Variants in TMEM71 observed in about 807,000 individuals in gnomAD.
The protein encoded by TMEM71 is transmembrane protein 71.
Under a neutral mutation model 38.0 loss-of-function variants are expected in TMEM71, and 44 were observed. The observed-to-expected ratio is 1.16, with a 90% CI of 0.91 to 1.49. The LOEUF (loss-of-function observed/expected upper bound fraction) is 1.49. Among genes scored for constraint, TMEM71 ranks in the 40% most tolerant of loss-of-function variants. The pLI is 0.00. For missense variants in TMEM71, 367 were observed against 348.6 expected, an observed-to-expected ratio of 1.05 and a Z score of -0.42; for synonymous variants, 133 against 122.5, an observed-to-expected ratio of 1.09 and a Z score of -0.56.
intron 4 of TMEM71, among the ~76,000 whole-genome samples, chr8:132,747,734 T>G (rs1000083696): frequency 1.3e-5 from 2 of 152,200 alleles, no homozygotes; most frequent in Non-Finnish European, 2.9e-5. Flanking sequence ...CTAAGCTGCA[T>G]CAGATGATCT....
upstream of TMEM71, among the ~76,000 whole-genome samples, chr8:132,764,098 T>C (rs1278616623): frequency 6.6e-6 from 1 of 152,192 alleles, no homozygotes; most frequent in African/African-American, 2.4e-5. Context: ...TTGCGACTCC[T>C]CTCCATGTAG....
At chr8:132,713,164 C>A (rs761477649) in intron 9 of TMEM71, among the ~76,000 whole-genome samples, 1 of 127,326 alleles carries the variant, frequency 7.9e-6, no homozygotes, top group Non-Finnish European at 1.5e-5. Flanking sequence ...ATTTCAAGGG[C>A]TAAATTATAA....
Position 132,751,783 on chromosome 8 carries a change from A to T in TMEM71, c.314+2T>A. On this transcript the variant is annotated splice_donor_variant, in intron 4 of 9. Coordinates refer to ENST00000677595, the MANE Select transcript of TMEM71 (RefSeq NM_001382403.1). LOFTEE classifies it high-confidence loss of function. ...TTTCTTTCTGTAATATGCTCTGCTT[A>T]CCTAACTAAGTTCTCCTTATACATA... 1 of 1,612,554 alleles carries T rather than the reference A, an allele frequency of 6.2e-7. No individual in the cohort carries two copies. The highest frequency in any genetic ancestry group is 8.5e-7 in the Non-Finnish European group (1 of 1,179,490).
At chr8:132,772,692 AAT>A in the TMEM71 span, among the ~76,000 whole-genome samples, 1 of 152,236 alleles carries the variant, frequency 6.6e-6, no homozygotes, top group African/African-American at 2.4e-5. Context: ...CTTAAAAATC[AAT>A]ATGACTATGA....
In TMEM71 at chr8:132,710,630, T is replaced by C. The variant is rs1334346215; in HGVS notation, c.*337A>G. 4.1e-6 allele frequency: 2 copies of C among 487,786 alleles called. No individual in the cohort carries two copies. The highest frequency in any genetic ancestry group is 2.0e-5 in the African/African-American group (1 of 49,310). The allele number at this position is 487,786 out of a possible 1,614,324, so 30.2% of individuals were successfully genotyped here. A position where few individuals can be genotyped will look rare whatever the true frequency, so the allele number is the denominator to read the frequency against. Reference sequence around the variant, plus strand: ...GTTACAAGCTCCTCACAGAATTTCCTAATGAAAATTCAAGCTCGAGAACCA... The same window carrying C: ...GTTACAAGCTCCTCACAGAATTTCCCAATGAAAATTCAAGCTCGAGAACCA... On this transcript the variant is annotated 3_prime_UTR_variant, in exon 10 of 10. Transcript: ENST00000677595.
intron 5 of TMEM71, among the ~76,000 whole-genome samples, chr8:132,743,562 C>A (rs780272631): frequency 2.6e-5 from 4 of 152,184 alleles, no homozygotes; most frequent in Non-Finnish European, 2.9e-5. Context: ...TTAATCCTGT[C>A]CTATTCACTT....
intron 5 of TMEM71, among the ~76,000 whole-genome samples, chr8:132,737,997 C>T (rs906803262): frequency 6.6e-5 from 10 of 152,106 alleles, no homozygotes; most frequent in African/African-American, 2.4e-4. Context: ...AAATACAATT[C>T]ATTGTCTGTT....
At chr8:132,754,828 T>TAAAAAAAA (rs1828915765) in intron 3 of TMEM71, among the ~76,000 whole-genome samples, 3 of 152,210 alleles carry the variant, frequency 2.0e-5, no homozygotes, top group African/African-American at 7.2e-5. Flanking sequence ...TATTGAATAG[T>TAAAAAAAA]ACAGGTAGAA....
the TMEM71 span, chr8:132,775,705 C>T: frequency 3.1e-6 from 1 of 318,108 alleles, no homozygotes; most frequent in Non-Finnish European, 5.7e-6. Flanking sequence ...CCGCCCGGGA[C>T]GCCCCCATTC....
At chr8:132,743,976 C>T (rs1828195360) in intron 5 of TMEM71, among the ~76,000 whole-genome samples, 1 of 152,134 alleles carries the variant, frequency 6.6e-6, no homozygotes, top group Admixed American at 6.5e-5. Flanking sequence ...CACATGGAAG[C>T]TTTTCTTAAG....
chr8:132,713,359 T>G (rs944054891), intron 9 of TMEM71, among the ~76,000 whole-genome samples: 1 of 152,082 alleles, frequency 6.6e-6, no homozygotes, highest in African/African-American at 2.4e-5. Context: ...CCATTGTGAT[T>G]TCAGAATTAG....
At chr8:132,755,339 CA>C (rs1437049144) in intron 3 of TMEM71, among the ~76,000 whole-genome samples, 1 of 152,168 alleles carries the variant, frequency 6.6e-6, no homozygotes, top group African/African-American at 2.4e-5. Flanking sequence ...ACCTTTAGAG[CA>C]GATAACAAAA....
In TMEM71 at chr8:132,727,889, A is replaced by G. The variant is rs775234070; in HGVS notation, c.585T>C (p.Ser195=). 6.2e-7 allele frequency: 1 copy of G among 1,614,192 alleles called. No homozygotes were observed. The highest frequency in any genetic ancestry group is 1.1e-5 in the South Asian group (1 of 91,092). The change falls in exon 6 of 10, where the codon TCT becomes TCC. Residue 195 remains serine, a synonymous_variant. Coordinates refer to ENST00000677595, the MANE Select transcript of TMEM71 (RefSeq NM_001382403.1). ...VITSSSSHII[S]QPPGGNSHSL... ...TATGGGAGTTTCCTCCAGGAGGCTG[A>G]GATATGATGTGGCTGGAAGAGGAGG...
At chr8:132,712,530 T>C (rs1826289328) in intron 9 of TMEM71, among the ~76,000 whole-genome samples, 1 of 152,118 alleles carries the variant, frequency 6.6e-6, no homozygotes, top group South Asian at 2.1e-4. Context: ...CTGGCTCCTG[T>C]ACTAACCTGA....
chr8:132,750,391 A>C (rs2467981), intron 4 of TMEM71, among the ~76,000 whole-genome samples: 46,570 of 152,098 alleles, frequency 0.31, 7,358 homozygotes, highest in Non-Finnish European at 0.33. Flanking sequence ...GAGATGGTAG[A>C]AGACTGATGC....
chr8:132,725,162 C>T (rs1447882180), intron 6 of TMEM71, among the ~76,000 whole-genome samples: 2 of 152,028 alleles, frequency 1.3e-5, no homozygotes, highest in East Asian at 3.9e-4. Flanking sequence ...CTCAGCTTCC[C>T]AGCTAGCTGG....
intron 5 of TMEM71, among the ~76,000 whole-genome samples, chr8:132,729,488 C>T (rs914513720): frequency 6.6e-6 from 1 of 152,188 alleles, no homozygotes; most frequent in Admixed American, 6.5e-5. Context: ...AGCAAAGCCA[C>T]TCAGAAAGAG....
chr8:132,719,795 T>G (rs1826739787), intron 7 of TMEM71, among the ~76,000 whole-genome samples: 1 of 152,190 alleles, frequency 6.6e-6, no homozygotes, highest in African/African-American at 2.4e-5. Flanking sequence ...TGTGGTATGT[T>G]TGTCACAATG....
chr8:132,752,444 C>G (rs1828767113), intron 3 of TMEM71, among the ~76,000 whole-genome samples: 1 of 152,154 alleles, frequency 6.6e-6, no homozygotes, highest in Admixed American at 6.6e-5. Context: ...TCAAAATGAT[C>G]ATTTTTGGCC....
Sources: allele counts gnomAD v4.1 joint callset (sites outside exome capture counted in the v4.1 genomes callset), GRCh38; gene constraint gnomAD v4.1.1; transcripts MANE v1.5; gene names NCBI Gene and HGNC (gene_info 2026-07-23, HGNC 2026-07-21).